KAZN: variants seen among roughly 807,000 people sequenced by gnomAD.
The protein encoded by KAZN is kazrin, periplakin interacting protein, also known as kazrin.
A neutral mutation model predicts 87.4 loss-of-function variants in KAZN; 40 were observed. The observed-to-expected ratio is 0.46, with a 90% CI of 0.36 to 0.60. The LOEUF (loss-of-function observed/expected upper bound fraction) is 0.60. Ranked by LOEUF, KAZN falls within the 20% of genes least tolerant of loss-of-function variation. The pLI is 0.00. For synonymous variants in KAZN, 466 were observed against 458.3 expected (o/e 1.02, Z -0.22); for missense variants, 898 against 1,073.9 (o/e 0.84, Z 2.29).
chr1:14,580,535 G>A (rs1421576836), intron 2 of KAZN, among the ~76,000 whole-genome samples: 1 of 152,042 alleles, frequency 6.6e-6, no homozygotes, highest in Non-Finnish European at 1.5e-5. Flanking sequence ...TAATAGCGCA[G>A]CCATGTGTAA....
At chr1:14,435,369 G>A (rs1168865922) in intron 2 of KAZN, among the ~76,000 whole-genome samples, 1 of 152,222 alleles carries the variant, frequency 6.6e-6, no homozygotes, top group Non-Finnish European at 1.5e-5. Flanking sequence ...GACAGCTAGA[G>A]GTGACCAGGA....
chr1:14,558,671 T>G (rs550851272), intron 2 of KAZN, among the ~76,000 whole-genome samples: 3 of 152,308 alleles, frequency 2.0e-5, no homozygotes, highest in South Asian at 4.1e-4. Context: ...TGTGGGCTTG[T>G]GAGCGTTTGC....
intron 13 of KAZN, among the ~76,000 whole-genome samples, chr1:15,108,384 C>A (rs1049362796): frequency 2.0e-5 from 3 of 152,170 alleles, no homozygotes; most frequent in African/African-American, 7.2e-5. Flanking sequence ...CCCAGCGGGG[C>A]CTTTGAGGCC....
chr1:14,021,558 C>T (rs936446241), intron 1 of KAZN, among the ~76,000 whole-genome samples: 1 of 152,132 alleles, frequency 6.6e-6, no homozygotes, highest in Non-Finnish European at 1.5e-5. Context: ...AGGAGAGGGT[C>T]TAGGTCTCTC....
chr1:14,588,371 A>G (rs998869649), intron 2 of KAZN, among the ~76,000 whole-genome samples: 2 of 152,250 alleles, frequency 1.3e-5, no homozygotes, highest in African/African-American at 4.8e-5. Flanking sequence ...AAAGGCATAC[A>G]TAGATTTGTG....
chr1:14,885,198 CTTGTA>C (rs1385248134), intron 1 of KAZN, among the ~76,000 whole-genome samples: 1 of 152,174 alleles, frequency 6.6e-6, no homozygotes. Flanking sequence ...CACTTTCTTG[CTTGTA>C]TTAACCAGGA....
At chr1:14,563,690 C>T (rs1215165948) in intron 2 of KAZN, among the ~76,000 whole-genome samples, 1 of 152,048 alleles carries the variant, frequency 6.6e-6, no homozygotes, top group Non-Finnish European at 1.5e-5. Flanking sequence ...GGAGGGCAGT[C>T]AGCTCTCACC....
chr1:14,021,217 C>T (rs1277521190), intron 1 of KAZN, among the ~76,000 whole-genome samples: 1 of 152,158 alleles, frequency 6.6e-6, no homozygotes, highest in Non-Finnish European at 1.5e-5. Flanking sequence ...ATAACAACCC[C>T]AAATTTCTTC....
intron 1 of KAZN, among the ~76,000 whole-genome samples, chr1:14,886,017 C>A (rs1200641223): frequency 1.3e-5 from 2 of 152,010 alleles, no homozygotes; most frequent in Non-Finnish European, 2.9e-5. Flanking sequence ...AGTAACACCC[C>A]CCGCCCCACC....
chr1:14,048,649 C>T (rs1642180366), intron 1 of KAZN, among the ~76,000 whole-genome samples: 1 of 152,180 alleles, frequency 6.6e-6, no homozygotes, highest in African/African-American at 2.4e-5. Flanking sequence ...GGTGATCCCA[C>T]CCACCTCGGC....
intron 8 of KAZN, among the ~76,000 whole-genome samples, chr1:15,092,143 C>A (rs113764601): frequency 1.7e-4 from 22 of 131,008 alleles, no homozygotes; most frequent in East Asian, 7.8e-4. Flanking sequence ...ATGGCGCAAT[C>A]TCGGCTCACC....
intron 1 of KAZN, among the ~76,000 whole-genome samples, chr1:13,896,488 C>T (rs978072058): frequency 1.3e-5 from 2 of 152,058 alleles, no homozygotes; most frequent in African/African-American, 2.4e-5. Flanking sequence ...GATGAAGTCT[C>T]GTTATGTTGC....
intron 1 of KAZN, among the ~76,000 whole-genome samples, chr1:14,652,661 C>T (rs1460050827): frequency 1.9e-5 from 1 of 53,244 alleles, no homozygotes; most frequent in Non-Finnish European, 3.5e-5. Context: ...ATCCACCCAC[C>T]CACCCACCCA....
At chr1:14,403,527 A>T (rs1019304186) in intron 2 of KAZN, among the ~76,000 whole-genome samples, 9 of 152,250 alleles carry the variant, frequency 5.9e-5, no homozygotes, top group Admixed American at 1.3e-4. Flanking sequence ...TAACTGAATT[A>T]GTATCTAGAA....
chr1:14,288,256 A>G (rs920188334), intron 2 of KAZN, among the ~76,000 whole-genome samples: 3 of 152,190 alleles, frequency 2.0e-5, no homozygotes, highest in Non-Finnish European at 4.4e-5. Flanking sequence ...AAGGAACGGT[A>G]CCAGCTCCTC....
chr1:14,144,056 A>G (rs1645295589), intron 1 of KAZN, among the ~76,000 whole-genome samples: 2 of 151,964 alleles, frequency 1.3e-5, no homozygotes, highest in African/African-American at 4.8e-5. Flanking sequence ...TTCATTCCCA[A>G]ACTCTCCTCT....
At chr1:15,068,695 C>G (rs1639374640) in intron 8 of KAZN, among the ~76,000 whole-genome samples, 1 of 151,986 alleles carries the variant, frequency 6.6e-6, no homozygotes, top group South Asian at 2.1e-4. Context: ...ATACAAAACT[C>G]AGGCCTCCCC....
chr1:15,050,564 C>A (rs1056092673), intron 4 of KAZN, among the ~76,000 whole-genome samples: 1 of 152,176 alleles, frequency 6.6e-6, no homozygotes, highest in East Asian at 1.9e-4. Flanking sequence ...TTAATGGCCA[C>A]GCTCTGAGTC....
intron 1 of KAZN, among the ~76,000 whole-genome samples, chr1:13,953,589 T>G (rs1325147974): frequency 2.0e-5 from 3 of 152,228 alleles, no homozygotes; most frequent in Non-Finnish European, 2.9e-5. Context: ...ATTTCTATGT[T>G]AGTAACCCTT....
Sources: allele counts gnomAD v4.1 joint callset (sites outside exome capture counted in the v4.1 genomes callset), GRCh38; gene constraint gnomAD v4.1.1; transcripts MANE v1.5; gene names NCBI Gene and HGNC (gene_info 2026-07-23, HGNC 2026-07-21).